The following DAPK2 variants were observed in gnomAD, a reference collection of about 807,000 sequenced individuals.
DAPK2 encodes death associated protein kinase 2.
In DAPK2, 35 loss-of-function variants were observed where a neutral mutation model predicts 44.1. The observed-to-expected ratio is 0.79, with a 90% CI of 0.61 to 1.05. The LOEUF (loss-of-function observed/expected upper bound fraction) is 1.05, where lower values mean the gene tolerates loss of function less well. DAPK2 is among the 50% of genes least tolerant of loss of function. The pLI is 0.00. For missense variants in DAPK2, 453 were observed against 483.2 expected, an observed-to-expected ratio of 0.94 and a Z score of 0.59; for synonymous variants, 174 against 182.6, an observed-to-expected ratio of 0.95 and a Z score of 0.38.
chr15:64,036,281 G>GTA (rs2080183272), intron 1 of DAPK2, among the ~76,000 whole-genome samples: 1 of 67,144 alleles, frequency 1.5e-5, no homozygotes. Context: ...ATATGTGTGT[G>GTA]TGTGTGTGTG....
chr15:63,930,900 C>T (rs1181959472), intron 4 of DAPK2, among the ~76,000 whole-genome samples: 1 of 152,038 alleles, frequency 6.6e-6, no homozygotes, highest in Non-Finnish European at 1.5e-5. Context: ...CTCCACAAAA[C>T]ATTTTTTAAA....
chr15:63,948,069 A>G (rs2077494226), intron 3 of DAPK2, among the ~76,000 whole-genome samples: 1 of 152,094 alleles, frequency 6.6e-6, no homozygotes, highest in Non-Finnish European at 1.5e-5. Flanking sequence ...GGAGTTCAAG[A>G]CCAGCCTGGC....
intron 3 of DAPK2, among the ~76,000 whole-genome samples, chr15:63,940,688 G>A (rs2077283008): frequency 6.6e-6 from 1 of 151,770 alleles, no homozygotes; most frequent in Non-Finnish European, 1.5e-5. Flanking sequence ...CTCCAGCCTG[G>A]GCAACAGAGT....
At chr15:64,031,287 T>A (rs2080008347) in intron 1 of DAPK2, among the ~76,000 whole-genome samples, 1 of 151,558 alleles carries the variant, frequency 6.6e-6, no homozygotes, top group South Asian at 2.1e-4. Context: ...GGCAGGAGTG[T>A]AGTGGTGCAA....
At chr15:63,993,355 A>G (rs2078866496) in intron 1 of DAPK2, among the ~76,000 whole-genome samples, 2 of 152,180 alleles carry the variant, frequency 1.3e-5, no homozygotes, top group South Asian at 4.1e-4. Context: ...CTTTCCCAAG[A>G]TTCACATTAA....
chr15:63,923,156 A>G lies in DAPK2; in HGVS notation c.858+1660T>C. On this transcript the variant is annotated intron_variant, in intron 8 of 10. Transcript: ENST00000261891. This position sits in a 1 kb window ranked among gnomAD's most constrained non-coding sequence, Gnocchi z 4.2. The stretch of plus-strand genomic sequence containing the variant: ...CTGGATGGTATCGTGGGCCTCCACC[A>G]GGGCACGGCATCCCAGGTCGACCCG... The G allele has an allele frequency of 6.5e-7, 1 of 1,535,830 alleles. No homozygotes were observed. The highest frequency in any genetic ancestry group is 8.7e-7 in the Non-Finnish European group (1 of 1,146,730).
chr15:63,924,711 A>G, intron 8 of DAPK2, 105 bp downstream of exon 9: 1 of 1,303,060 alleles, frequency 7.7e-7, no homozygotes, highest in South Asian at 1.3e-5. Context: ...GTCAGTGTTT[A>G]AAGCAAAGGC....
At chr15:63,938,231 C>G (rs2077215356) in intron 4 of DAPK2, among the ~76,000 whole-genome samples, 1 of 152,210 alleles carries the variant, frequency 6.6e-6, no homozygotes, top group Non-Finnish European at 1.5e-5. Flanking sequence ...TTGGCTGTAT[C>G]TGTATTTGAA....
chr15:63,929,995 C>A (rs1195010734), intron 5 of DAPK2, among the ~76,000 whole-genome samples: 5 of 152,252 alleles, frequency 3.3e-5, no homozygotes, highest in Non-Finnish European at 7.3e-5. Flanking sequence ...CCCATCTGTG[C>A]AGAGGACTAA....
chr15:63,939,320 T>C lies in DAPK2; in HGVS notation c.495A>G (p.Pro165=). The C allele has an allele frequency of 6.2e-7, 1 of 1,612,512 alleles. No individual in the cohort carries two copies. Among genetic ancestry groups the C allele is most frequent in the Non-Finnish European group, 8.5e-7 (1 of 1,179,816 alleles). ...GACCAAAGTCAATCAGCTTGATGTG[T>C]GGAATGGGAATATTCTTGTCTAACA... The change falls in exon 4 of 11, where the codon CCA becomes CCG. Residue 165 remains proline (P), a synonymous_variant. Coordinates refer to ENST00000261891, the Ensembl canonical transcript of DAPK2. The surrounding 1 kb of genome is among the most constrained non-coding windows in gnomAD (Gnocchi z 4.3).
intron 1 of DAPK2, among the ~76,000 whole-genome samples, chr15:64,021,069 A>T (rs1009144172): frequency 6.6e-6 from 1 of 152,154 alleles, no homozygotes; most frequent in Non-Finnish European, 1.5e-5. Flanking sequence ...GAAAGCCACA[A>T]CCCTGATCTA....
At position 63,980,507 on chromosome 15, in the gene DAPK2, G is replaced by C. The variant is rs1349317144; in HGVS notation, c.314+3026C>G. Among the ~76,000 whole-genome samples the C allele has an allele frequency of 6.6e-6, 1 of 152,200 alleles. No individual in the cohort carries two copies. Among genetic ancestry groups the C allele is most frequent in the Admixed American group, 6.5e-5 (1 of 15,280 alleles). On this transcript the variant is annotated intron_variant, in intron 2 of 10. Transcript: ENST00000261891. The surrounding 1 kb of genome is among the most constrained non-coding windows in gnomAD (Gnocchi z 4.3). ...GTAATGGTTAACCAGCACCATCTTT[G>C]AAAAGTGAGGATATTGAGTCCCAAA...
intron 1 of DAPK2, among the ~76,000 whole-genome samples, chr15:64,008,661 G>A (rs2079303970): frequency 6.6e-6 from 1 of 152,172 alleles, no homozygotes; most frequent in Non-Finnish European, 1.5e-5. Context: ...AAAATAATAA[G>A]TGAACATGCA....
chr15:63,943,582 A>G (rs1279311594), intron 3 of DAPK2, among the ~76,000 whole-genome samples: 1 of 152,114 alleles, frequency 6.6e-6, no homozygotes, highest in East Asian at 1.9e-4. Flanking sequence ...TTATTAATCT[A>G]GCCCAGGAGG....
intron 2 of DAPK2, among the ~76,000 whole-genome samples, chr15:63,971,976 T>G (rs141574260): frequency 0.026 from 3,987 of 152,330 alleles, 79 homozygotes; most frequent in South Asian, 0.065. Flanking sequence ...TATTAGGAGA[T>G]AGGGCCTTTG....
chr15:64,007,372 C>G (rs974515971), intron 1 of DAPK2, among the ~76,000 whole-genome samples: 6 of 152,048 alleles, frequency 3.9e-5, no homozygotes, highest in South Asian at 2.1e-4. Context: ...GTTTCCAGTT[C>G]CCCCCAGTCT....
intron 1 of DAPK2, among the ~76,000 whole-genome samples, chr15:64,037,430 C>T (rs763977067): frequency 6.6e-6 from 1 of 152,246 alleles, no homozygotes; most frequent in Non-Finnish European, 1.5e-5. Context: ...CAATCCCTTG[C>T]AGGGCATCCT....
At chr15:63,920,935 A>G (rs892687255) in intron 8 of DAPK2, 1 of 152,334 alleles carries the variant, frequency 6.6e-6, no homozygotes, top group Admixed American at 6.5e-5. Context: ...TGGTTGGCTT[A>G]GCTGACCTCC....
At chr15:63,954,650 T>C (rs1289723866) in intron 3 of DAPK2, among the ~76,000 whole-genome samples, 1 of 152,228 alleles carries the variant, frequency 6.6e-6, no homozygotes, top group African/African-American at 2.4e-5. Context: ...TGTGGTTCCA[T>C]ATACATTTTA....
Sources: allele counts gnomAD v4.1 joint callset (sites outside exome capture counted in the v4.1 genomes callset), GRCh38; gene constraint gnomAD v4.1.1; non-coding constraint Gnocchi (gnomAD v3.1); transcripts MANE v1.5; gene names NCBI Gene and HGNC (gene_info 2026-07-23, HGNC 2026-07-21).